The following GATA3 variants were observed in gnomAD, a reference collection of about 807,000 sequenced individuals.
GATA3 encodes the protein trans-acting T-cell-specific transcription factor GATA-3.
A neutral mutation model predicts 36.0 loss-of-function variants in GATA3; 6 were observed. The observed-to-expected ratio is 0.17, with a 90% CI of 0.09 to 0.33. The LOEUF (loss-of-function observed/expected upper bound fraction) is 0.33. Ranked by LOEUF, GATA3 falls within the 10% of genes least tolerant of loss-of-function variation. GATA3 has a pLI of 1.00. For synonymous variants in GATA3, 326 were observed against 273.0 expected (o/e 1.19, Z -1.92); for missense variants, 514 against 610.1 (o/e 0.84, Z 1.66).
intron 2 of GATA3, among the ~76,000 whole-genome samples, 160 bp downstream of exon 2, chr10:8,056,056 G>A (rs1168415995): frequency 6.6e-6 from 1 of 152,232 alleles, no homozygotes; most frequent in Non-Finnish European, 1.5e-5. Flanking sequence ...AATGGGCGAG[G>A]AAGGCCTCTG....
chr10:8,062,575 G>T (rs1832768079), intron 3 of GATA3, among the ~76,000 whole-genome samples: 1 of 152,092 alleles, frequency 6.6e-6, no homozygotes, highest in Non-Finnish European at 1.5e-5. Flanking sequence ...TCCCATATCT[G>T]CCAAGGCAGA....
At chr10:8,063,253 C>G (rs1490698777) in intron 3 of GATA3, among the ~76,000 whole-genome samples, 1 of 152,122 alleles carries the variant, frequency 6.6e-6, no homozygotes, top group East Asian at 1.9e-4. Flanking sequence ...CTTCCAGGTT[C>G]CCTGCCTAAA....
rs891165585 is a variant in GATA3, at chr10:8,074,110, C to A, written c.*87C>A. 8 of 1,455,258 alleles carry A rather than the reference C, an allele frequency of 5.5e-6. No individual in the cohort carries two copies. The African/African-American group carries it at 5.7e-5, about 10-fold the overall frequency. The allele number at this position is 1,455,258 out of a possible 1,614,324, so 90.1% of individuals were successfully genotyped here. On this transcript the variant is annotated 3_prime_UTR_variant, in exon 6 of 6. Transcript: ENST00000379328. Reference sequence around the variant, plus strand: ...TTTTTGCAGGAGCAGTATCATGAAGCCTAAACGCGATGGATATATGTTTTT... The same window carrying A: ...TTTTTGCAGGAGCAGTATCATGAAGACTAAACGCGATGGATATATGTTTTT...
upstream of GATA3, chr10:8,052,441 A>T (rs1832520418): frequency 6.6e-6 from 1 of 152,256 alleles, no homozygotes; most frequent in East Asian, 1.9e-4. Flanking sequence ...TTAGCCTCAG[A>T]AGTCAGCATT....
Position 8,075,060 on chromosome 10 carries a change from G to C in GATA3, c.*1037G>C, listed in dbSNP as rs1379235345. ...ACCAGCGTGCATGTCAGCGACCCTGGCCCGACAGGCCACGTCCTGCAATCG... is the reference window on the plus strand; with the variant it reads ...ACCAGCGTGCATGTCAGCGACCCTGCCCCGACAGGCCACGTCCTGCAATCG... On this transcript the variant is annotated 3_prime_UTR_variant, in exon 6 of 6. Transcript: ENST00000379328. The C allele has an allele frequency of 1.3e-5, 3 of 233,132 alleles. No homozygotes were observed. In the East Asian group the frequency reaches 1.8e-4, roughly 14 times the overall value. The allele number at this position is 233,132 out of a possible 1,614,324, so 14.4% of individuals were successfully genotyped here. A position where few individuals can be genotyped will look rare whatever the true frequency, so the allele number is the denominator to read the frequency against.
chr10:8,055,960 C>A lies in GATA3; in HGVS notation c.241+64C>A. 6.5e-7 allele frequency: 1 copy of A among 1,544,918 alleles called. No individual in the cohort carries two copies. Among genetic ancestry groups the A allele is most frequent in the South Asian group, 1.2e-5 (1 of 83,722 alleles). On this transcript the variant is annotated intron_variant, in intron 2 of 5. Coordinates refer to ENST00000379328, the MANE Select transcript of GATA3 (RefSeq NM_001002295.2). This position sits in a 1 kb window ranked among gnomAD's most constrained non-coding sequence, Gnocchi z 5.4. The stretch of plus-strand genomic sequence containing the variant: ...TTCAGCCGTCCCGGCTCGGGGAGGT[C>A]GGGAGGGACCTGAGGGCGGGGAGAG...
chr10:8,063,951 G>A, intron 3 of GATA3, 42 bp from the exon 4 acceptor site: 3 of 1,614,132 alleles, frequency 1.9e-6, no homozygotes, highest in Non-Finnish European at 2.5e-6. Flanking sequence ...TTTCCTGCGT[G>A]TTTTCCTTCC....
chr10:8,069,208 C>T (rs1053364504), intron 4 of GATA3, among the ~76,000 whole-genome samples: 9 of 152,082 alleles, frequency 5.9e-5, no homozygotes, highest in East Asian at 1.9e-4. Context: ...GAGGAGGCCC[C>T]GGCTTCCTGC....
At chr10:8,070,040 A>T (rs2131513363) in intron 5 of GATA3, among the ~76,000 whole-genome samples, 1 of 152,306 alleles carries the variant, frequency 6.6e-6, no homozygotes, top group East Asian at 1.9e-4. Flanking sequence ...AACTAAGAGG[A>T]CCCATTTGGT....
intron 4 of GATA3, among the ~76,000 whole-genome samples, chr10:8,065,979 A>AG (rs1832834596): frequency 4.2e-5 from 6 of 141,762 alleles, no homozygotes; most frequent in South Asian, 2.2e-4. Context: ...AAAAAAAAAA[A>AG]AAGAGAGAGA....
At chr10:8,048,821 C>A (rs533909955), upstream of GATA3, among the ~76,000 whole-genome samples, 71 of 152,326 alleles carry the variant, frequency 4.7e-4, no homozygotes, top group African/African-American at 1.6e-3. Flanking sequence ...CCTGTCTCCC[C>A]CTTTCCGCTG....
upstream of GATA3, chr10:8,050,834 G>A (rs559881093): frequency 1.3e-5 from 5 of 386,518 alleles, no homozygotes; most frequent in South Asian, 1.0e-4. Context: ...CCCGAGGCAC[G>A]CTCTCTCCCC....
chr10:8,073,062 T>C (rs1021979922), intron 5 of GATA3, among the ~76,000 whole-genome samples: 6 of 148,460 alleles, frequency 4.0e-5, no homozygotes, highest in Non-Finnish European at 8.9e-5. Context: ...GGAGAATTGC[T>C]TGAACCCGGG....
chr10:8,047,706 G>A (rs1261232565), intron 1 of GATA3, among the ~76,000 whole-genome samples: 1 of 152,252 alleles, frequency 6.6e-6, no homozygotes, highest in Non-Finnish European at 1.5e-5. Flanking sequence ...GCTGGCGTTA[G>A]TGAAGAACAG....
At chr10:8,058,132 G>C (rs1031747347) in intron 2 of GATA3, among the ~76,000 whole-genome samples, 173 bp from the exon 3 acceptor site, 1 of 152,166 alleles carries the variant, frequency 6.6e-6, no homozygotes, top group African/African-American at 2.4e-5. Flanking sequence ...TGACCCCCAG[G>C]TGTGCCAGGC....
chr10:8,048,758 C>T (rs1340985263), upstream of GATA3, among the ~76,000 whole-genome samples: 1 of 152,240 alleles, frequency 6.6e-6, no homozygotes, highest in Non-Finnish European at 1.5e-5. Context: ...CTGCCACTCG[C>T]CTCACGTGTG....
At chr10:8,072,503 T>A (rs985818185) in intron 5 of GATA3, among the ~76,000 whole-genome samples, 2 of 152,172 alleles carry the variant, frequency 1.3e-5, no homozygotes, top group Non-Finnish European at 2.9e-5. Flanking sequence ...CTGTGGGGAG[T>A]AACTTCTGTT....
upstream of GATA3, chr10:8,051,146 C>A: frequency 4.7e-6 from 2 of 424,902 alleles, no homozygotes; most frequent in Non-Finnish European, 4.7e-6. Context: ...CTCTTCGCCC[C>A]TGGGAGGGCG....
At position 8,055,961 on chromosome 10, in the gene GATA3, G is replaced by T. The variant is rs1456979039; in HGVS notation, c.241+65G>T. The T allele has an allele frequency of 3.2e-6, 5 of 1,544,966 alleles. No individual in the cohort carries two copies. In the Admixed American group the frequency reaches 9.8e-5, roughly 30 times the overall value. ...TCAGCCGTCCCGGCTCGGGGAGGTC[G>T]GGAGGGACCTGAGGGCGGGGAGAGG... On this transcript the variant is annotated intron_variant, in intron 2 of 5. Coordinates refer to ENST00000379328, the MANE Select transcript of GATA3 (RefSeq NM_001002295.2). The surrounding 1 kb of genome is among the most constrained non-coding windows in gnomAD (Gnocchi z 5.4).
Sources: gnomAD v4.1 joint callset for allele counts (sites outside exome capture counted in the v4.1 genomes callset) on GRCh38, gnomAD v4.1.1 for gene constraint, Gnocchi (gnomAD v3.1) non-coding constraint, MANE v1.5 for transcripts, NCBI Gene and HGNC (gene_info 2026-07-23, HGNC 2026-07-21) for gene names.